Variants in PRRG1 observed in about 807,000 individuals in gnomAD.
PRRG1 encodes the protein transmembrane gamma-carboxyglutamic acid protein 1.
PRRG1 carries 5 observed loss-of-function variants against 11.8 expected under a neutral mutation model. That is an observed-to-expected ratio of 0.42 (90% CI 0.22 to 0.89). PRRG1 has a LOEUF of 0.89. Ranked by LOEUF, PRRG1 falls within the 40% of genes least tolerant of loss-of-function variation. The pLI is 0.28. For synonymous variants in PRRG1, 66 were observed against 60.4 expected (o/e 1.09, Z -0.43); for missense variants, 155 against 166.1 (o/e 0.93, Z 0.37).
chrX:37,396,851 G>A (rs986476357), intron 1 of PRRG1, among the ~76,000 whole-genome samples: 1 of 111,303 alleles, frequency 9.0e-6, no homozygotes, highest in African/African-American at 3.3e-5. Context: ...TCTTGTAGGG[G>A]GCTGTTCTAT....
At chrX:37,390,602 G>T (rs1369496221) in intron 1 of PRRG1, among the ~76,000 whole-genome samples, 3 of 112,010 alleles carry the variant, frequency 2.7e-5, no homozygotes, top group Non-Finnish European at 5.6e-5. Flanking sequence ...CCTAGTGCTT[G>T]CCACTCCTTT....
At chrX:37,432,892 T>TA (rs1231017441) in intron 3 of PRRG1, among the ~76,000 whole-genome samples, 1 of 111,742 alleles carries the variant, frequency 8.9e-6, no homozygotes, top group Non-Finnish European at 1.9e-5. Context: ...TATCTACACT[T>TA]ACTACATCCT....
intron 1 of PRRG1, among the ~76,000 whole-genome samples, chrX:37,361,965 T>G (rs1930429659): frequency 8.9e-6 from 1 of 112,264 alleles, no homozygotes; most frequent in African/African-American, 3.2e-5. Context: ...ATTCCAAGTT[T>G]CTTTTTCTGT....
At chrX:37,445,953 A>G (rs146165785) in intron 3 of PRRG1, among the ~76,000 whole-genome samples, 6 of 112,431 alleles carry the variant, frequency 5.3e-5, no homozygotes, top group African/African-American at 1.9e-4. Flanking sequence ...AATATTTACT[A>G]TCTAGTTCTT....
intron 3 of PRRG1, among the ~76,000 whole-genome samples, chrX:37,438,221 A>G (rs1299872889): frequency 1.8e-5 from 2 of 110,621 alleles, no homozygotes; most frequent in African/African-American, 3.3e-5. Flanking sequence ...AAAAAAATAA[A>G]TAAATTACTA....
At chrX:37,432,104 T>TC (rs1332757369) in intron 3 of PRRG1, among the ~76,000 whole-genome samples, 1 of 106,856 alleles carries the variant, frequency 9.4e-6, no homozygotes, top group Non-Finnish European at 1.9e-5. Flanking sequence ...TTTTTTTTTT[T>TC]TGAGATGGAG....
intron 3 of PRRG1, among the ~76,000 whole-genome samples, chrX:37,438,430 C>CTTTTT (rs782783420): frequency 1.4e-5 from 1 of 69,039 alleles, no homozygotes; most frequent in African/African-American, 5.8e-5. Flanking sequence ...GAATTTTTTC[C>CTTTTT]TTTTTTTTTT....
rs1602002154 is a variant in PRRG1 at position 37,399,465 on chromosome X, A to T, written c.-41-6744A>T. The stretch of plus-strand genomic sequence containing the variant: ...TTGTCACCACCAGGCCTGCCCTAAA[A>T]GAGCTCCTGAAGGAAGCACTCAACA... On this transcript the variant is annotated intron_variant, in intron 1 of 3. Transcript: ENST00000378628. Among the ~76,000 whole-genome samples the T allele has an allele frequency of 2.7e-5, 3 of 110,477 alleles. No homozygotes were observed. The South Asian group carries it at 1.2e-3, about 44-fold the overall frequency.
chrX:37,384,549 C>G (rs1171880890), intron 1 of PRRG1, among the ~76,000 whole-genome samples: 1 of 111,473 alleles, frequency 9.0e-6, no homozygotes, highest in Non-Finnish European at 1.9e-5. Flanking sequence ...GATGACTGTT[C>G]TGTTGCTCCA....
chrX:37,424,041 T>C (rs1932735396), intron 2 of PRRG1, among the ~76,000 whole-genome samples: 1 of 111,487 alleles, frequency 9.0e-6, no homozygotes, highest in African/African-American at 3.3e-5. Context: ...ACTAGTAGGC[T>C]ATGCCATCTA....
intron 3 of PRRG1, among the ~76,000 whole-genome samples, chrX:37,435,211 A>C (rs1014131739): frequency 2.9e-4 from 32 of 111,852 alleles, no homozygotes; most frequent in African/African-American, 9.1e-4. Flanking sequence ...CACAGGAGGT[A>C]ACCTAAAGAA....
chrX:37,401,410 A>G (rs1486893088), intron 1 of PRRG1, among the ~76,000 whole-genome samples: 9 of 111,582 alleles, frequency 8.1e-5, no homozygotes, highest in Non-Finnish European at 1.7e-4. Context: ...TAGATGCAGA[A>G]AAGACCTTTG....
chrX:37,448,098 G>C (rs1333570540), intron 3 of PRRG1, among the ~76,000 whole-genome samples: 3 of 111,901 alleles, frequency 2.7e-5, no homozygotes, highest in African/African-American at 9.8e-5. Context: ...GAGTCATCCA[G>C]GTTCTTGATG....
At chrX:37,387,593 A>T (rs1439830274) in intron 1 of PRRG1, among the ~76,000 whole-genome samples, 1 of 111,042 alleles carries the variant, frequency 9.0e-6, no homozygotes, top group African/African-American at 3.3e-5. Context: ...TCTCGGGAGA[A>T]CTCACTATCA....
At chrX:37,354,395 A>T (rs5964179) in intron 1 of PRRG1, among the ~76,000 whole-genome samples, 15 of 100,387 alleles carry the variant, frequency 1.5e-4, no homozygotes, top group East Asian at 3.1e-4. Flanking sequence ...TTATTTTTTT[A>T]TTTTTTTTTT....
chrX:37,379,406 A>T (rs782029072), intron 1 of PRRG1, among the ~76,000 whole-genome samples: 3 of 110,803 alleles, frequency 2.7e-5, no homozygotes, highest in African/African-American at 9.8e-5. Flanking sequence ...AGTTAATCTC[A>T]GAAAATAGTA....
intron 3 of PRRG1, among the ~76,000 whole-genome samples, chrX:37,435,405 C>A (rs1466627661): frequency 6.4e-5 from 7 of 109,400 alleles, no homozygotes; most frequent in Admixed American, 2.9e-4. Flanking sequence ...AAATACTCCA[C>A]CCCAGATGGT....
chrX:37,408,655 G>A (rs1932264705), intron 2 of PRRG1, among the ~76,000 whole-genome samples: 1 of 111,680 alleles, frequency 9.0e-6, no homozygotes, highest in Non-Finnish European at 1.9e-5. Flanking sequence ...GACAAGAAAC[G>A]TTTCTGGAGC....
At chrX:37,413,185 CTTG>C (rs782487018) in intron 2 of PRRG1, among the ~76,000 whole-genome samples, 51 of 110,863 alleles carry the variant, frequency 4.6e-4, no homozygotes, top group African/African-American at 1.5e-3. Flanking sequence ...AGGGTTCACT[CTTG>C]TTGTTGTATA....
Sources: gnomAD v4.1 joint callset for allele counts (sites outside exome capture counted in the v4.1 genomes callset) on GRCh38, gnomAD v4.1.1 for gene constraint, MANE v1.5 for transcripts, NCBI Gene and HGNC (gene_info 2026-07-23, HGNC 2026-07-21) for gene names.